SNTG2: variants seen among roughly 807,000 people sequenced by gnomAD.
The protein encoded by SNTG2 is gamma-2-syntrophin.
Under a neutral mutation model 70.9 loss-of-function variants are expected in SNTG2, and 74 were observed. The ratio of observed to expected loss-of-function variants is 1.04; its 90% CI spans 0.86 to 1.27. The LOEUF (loss-of-function observed/expected upper bound fraction) is 1.27, where lower values mean the gene tolerates loss of function less well. SNTG2 is among the 50% of genes most tolerant of loss of function. The probability of loss-of-function intolerance (pLI) is 0.00; values close to 1 mark genes in which losing one functional copy is unlikely to be tolerated. For missense variants in SNTG2, 717 were observed against 690.7 expected (o/e 1.04, Z -0.43); for synonymous variants, 278 against 273.8 (o/e 1.02, Z -0.15).
Position 1,351,745 on chromosome 2 carries a change from A to G in SNTG2, c.1489-15598A>G, listed in dbSNP as rs369059600. Among the ~76,000 whole-genome samples, 46 of 152,308 alleles carry G rather than the reference A, an allele frequency of 3.0e-4. 1 individual carries two copies. The East Asian group carries it at 7.7e-3, about 26-fold the overall frequency. On this transcript the variant is annotated intron_variant, in intron 16 of 16. Coordinates refer to ENST00000308624, the MANE Select transcript of SNTG2 (RefSeq NM_018968.4). ...GCTCATTTACACTGTTTACCATTGA[A>G]GCCTTCATCCCACTGCTCTGAAGTG...
At chr2:1,014,973 C>T (rs1487366102) in intron 1 of SNTG2, among the ~76,000 whole-genome samples, 3 of 152,028 alleles carry the variant, frequency 2.0e-5, no homozygotes, top group South Asian at 2.1e-4. Flanking sequence ...CTGAGGAAGC[C>T]GGGGGCCCCG....
intron 8 of SNTG2, among the ~76,000 whole-genome samples, chr2:1,206,161 A>G (rs1353183183): frequency 1.3e-5 from 2 of 152,346 alleles, no homozygotes; most frequent in East Asian, 3.9e-4. Flanking sequence ...GAGTTGATGT[A>G]AGATTTGGGA....
intron 1 of SNTG2, among the ~76,000 whole-genome samples, chr2:974,229 C>A (rs1361280851): frequency 1.3e-5 from 2 of 152,140 alleles, no homozygotes; most frequent in Non-Finnish European, 2.9e-5. Flanking sequence ...CTCACATCCT[C>A]CGAGGTGGGC....
intron 2 of SNTG2, among the ~76,000 whole-genome samples, chr2:1,088,717 T>C (rs1664833127): frequency 6.6e-6 from 1 of 152,224 alleles, no homozygotes; most frequent in African/African-American, 2.4e-5. Context: ...CCTCGTTATG[T>C]TCTATCCCAG....
intron 1 of SNTG2, among the ~76,000 whole-genome samples, chr2:1,008,710 A>C (rs1659641396): frequency 1.3e-5 from 2 of 152,260 alleles, no homozygotes; most frequent in Non-Finnish European, 2.9e-5. Flanking sequence ...AAAAAAATAC[A>C]GTAATGTAAA....
chr2:1,272,276 C>T (rs992417617), intron 14 of SNTG2, among the ~76,000 whole-genome samples: 1 of 151,460 alleles, frequency 6.6e-6, no homozygotes, highest in African/African-American at 2.4e-5. Context: ...GATCCTCAGG[C>T]ATTAGGTTCT....
intron 1 of SNTG2, among the ~76,000 whole-genome samples, chr2:970,698 TTGC>T (rs1660710350): frequency 6.7e-6 from 1 of 148,656 alleles, no homozygotes; most frequent in Non-Finnish European, 1.5e-5. Context: ...TTCCAAGTCT[TTGC>T]TATTGTGAAT....
intron 1 of SNTG2, among the ~76,000 whole-genome samples, chr2:1,004,458 A>G (rs1390282152): frequency 6.6e-6 from 1 of 152,278 alleles, no homozygotes; most frequent in East Asian, 1.9e-4. Context: ...TATACAAAGA[A>G]CTAAAACTCA....
At chr2:1,088,613 G>A (rs989668879) in intron 2 of SNTG2, among the ~76,000 whole-genome samples, 2 of 152,164 alleles carry the variant, frequency 1.3e-5, no homozygotes, top group Non-Finnish European at 2.9e-5. Flanking sequence ...AACTGCATTC[G>A]GAGCTTTCAT....
intron 6 of SNTG2, among the ~76,000 whole-genome samples, chr2:1,153,662 G>T (rs377133731): frequency 1.3e-5 from 2 of 152,168 alleles, no homozygotes; most frequent in Non-Finnish European, 1.5e-5. Context: ...TAACTTGTTC[G>T]TGTTTTACAC....
intron 16 of SNTG2, among the ~76,000 whole-genome samples, chr2:1,340,606 T>C (rs1414909383): frequency 6.6e-6 from 1 of 152,258 alleles, no homozygotes; most frequent in Non-Finnish European, 1.5e-5. Flanking sequence ...TAAGTGCATA[T>C]GTTCACAAAA....
chr2:1,096,052 G>A (rs1310390088), intron 2 of SNTG2, among the ~76,000 whole-genome samples: 1 of 152,182 alleles, frequency 6.6e-6, no homozygotes, highest in Non-Finnish European at 1.5e-5. Flanking sequence ...TTCATTGTGA[G>A]ATGCATTCTG....
intron 12 of SNTG2, among the ~76,000 whole-genome samples, chr2:1,250,660 C>T (rs1205602101): frequency 6.6e-6 from 1 of 151,642 alleles, no homozygotes; most frequent in Non-Finnish European, 1.5e-5. Flanking sequence ...GCCCTCTTTG[C>T]TCCTCTCGAG....
chr2:996,387 G>A (rs1381121605), intron 1 of SNTG2, among the ~76,000 whole-genome samples: 1 of 152,084 alleles, frequency 6.6e-6, no homozygotes, highest in Non-Finnish European at 1.5e-5. Context: ...ATTTCTGATT[G>A]TGCTTGTTCC....
At chr2:1,272,130 TTATTTC>T (rs1179263557) in intron 14 of SNTG2, among the ~76,000 whole-genome samples, 2 of 152,028 alleles carry the variant, frequency 1.3e-5, no homozygotes, top group Non-Finnish European at 2.9e-5. Context: ...ATTGTGCACT[TTATTTC>T]TATTATTATT....
intron 1 of SNTG2, among the ~76,000 whole-genome samples, chr2:1,030,861 C>T (rs796436571): frequency 9.2e-5 from 14 of 152,258 alleles, no homozygotes; most frequent in African/African-American, 3.1e-4. Flanking sequence ...CCACGTGCAC[C>T]GATGACTATT....
intron 1 of SNTG2, among the ~76,000 whole-genome samples, chr2:986,998 A>G (rs980907531): frequency 1.3e-5 from 2 of 152,240 alleles, no homozygotes; most frequent in Non-Finnish European, 2.9e-5. Context: ...TAATTTTCAG[A>G]CACATGTGTT....
chr2:1,210,634 A>G (rs1572735358), intron 9 of SNTG2: 1 of 152,182 alleles, frequency 6.6e-6, no homozygotes, highest in African/African-American at 2.4e-5. Context: ...CTCCTCACTC[A>G]TGGCTTCACC....
At chr2:1,300,031 G>A (rs1034621129) in intron 14 of SNTG2, among the ~76,000 whole-genome samples, 7 of 151,798 alleles carry the variant, frequency 4.6e-5, no homozygotes. Context: ...TCAAACGAGG[G>A]CACTGTTACC....
Sources: gnomAD v4.1 joint callset for allele counts (sites outside exome capture counted in the v4.1 genomes callset) on GRCh38, gnomAD v4.1.1 for gene constraint, MANE v1.5 for transcripts, NCBI Gene and HGNC (gene_info 2026-07-23, HGNC 2026-07-21) for gene names.